The following LRRK2 variants were observed in gnomAD, a reference collection of about 807,000 sequenced individuals.
LRRK2 encodes leucine rich repeat kinase 2.
Under a neutral mutation model 302.6 loss-of-function variants are expected in LRRK2, and 203 were observed. The ratio of observed to expected loss-of-function variants is 0.67; its 90% CI spans 0.60 to 0.75. The LOEUF (loss-of-function observed/expected upper bound fraction) is 0.75, where lower values mean the gene tolerates loss of function less well. LRRK2 is among the 30% of genes least tolerant of loss of function. The pLI is 0.00. For missense variants in LRRK2, 2,830 were observed against 2,951.0 expected (o/e 0.96, Z 0.95); for synonymous variants, 1,066 against 1,031.9 (o/e 1.03, Z -0.63).
At chr12:40,255,340 G>T (rs951695838) in intron 11 of LRRK2, among the ~76,000 whole-genome samples, 2 of 152,136 alleles carry the variant, frequency 1.3e-5, no homozygotes, top group Non-Finnish European at 2.9e-5. Context: ...GACCTGCAGG[G>T]CGTCGCATAT....
intron 25 of LRRK2, 90 bp downstream of exon 25, chr12:40,299,347 A>T: frequency 7.1e-7 from 1 of 1,413,556 alleles, no homozygotes; most frequent in Non-Finnish European, 9.9e-7. Context: ...TGGATTTAAA[A>T]GTGGCATTTC....
At position 40,225,355 on chromosome 12, in the gene LRRK2, T is replaced by G; in HGVS notation, c.151+73T>G. ...CCCCTCCTTACATTTGCAAATTTTG[T>G]CCTCCTCCCCTTGACCCTGCTCAAA... On this transcript the variant is annotated intron_variant, in intron 1 of 50. Transcript: ENST00000298910. 6 of 1,557,450 alleles carry G rather than the reference T, an allele frequency of 3.9e-6. No homozygotes were observed. In the South Asian group the frequency reaches 6.9e-5, roughly 18 times the overall value.
intron 19 of LRRK2, 75 bp downstream of exon 19, chr12:40,284,208 G>T: frequency 5.2e-6 from 7 of 1,342,038 alleles, no homozygotes; most frequent in Non-Finnish European, 6.1e-6. Flanking sequence ...TCTTTTAGTG[G>T]TTATTCATGC....
chr12:40,280,594 C>T (rs549561952), intron 18 of LRRK2, among the ~76,000 whole-genome samples: 99 of 144,510 alleles, frequency 6.9e-4, no homozygotes, highest in Middle Eastern at 3.6e-3. Context: ...CATTGCACTC[C>T]AGCCTAGGCA....
At chr12:40,275,612 AT>A (rs754582238) in intron 16 of LRRK2, among the ~76,000 whole-genome samples, 509 of 141,814 alleles carry the variant, frequency 3.6e-3, no homozygotes, top group Middle Eastern at 7.5e-3. Flanking sequence ...CTACAAAGGA[AT>A]TTTTTTTTTT....
intron 43 of LRRK2, among the ~76,000 whole-genome samples, 193 bp downstream of exon 43, chr12:40,348,702 T>TC (rs1371360210): frequency 6.6e-6 from 1 of 152,096 alleles, no homozygotes; most frequent in Non-Finnish European, 1.5e-5. Flanking sequence ...CCTCACATGC[T>TC]CCCATATGCC....
At position 40,310,564 on chromosome 12, in the gene LRRK2, A is replaced by C. The variant is rs1421874706; in HGVS notation, c.4451A>C (p.Asp1484Ala). 1.2e-6 allele frequency: 2 copies of C among 1,612,482 alleles called. No homozygotes were observed. The highest frequency in any genetic ancestry group is 2.7e-5 in the African/African-American group (2 of 74,364). The change falls in exon 31 of 51, where the codon GAT (aspartate) becomes GCT (alanine). Residue 1484 changes from aspartate (D) to alanine (A), a missense_variant. Coordinates refer to ENST00000298910, the MANE Select transcript of LRRK2 (RefSeq NM_198578.4). ...LNKRGFPAIR[D>A]YHFVNATEES... ...AAGCGAGGGTTCCCTGCCATACGAG[A>C]TTACCACTTTGTGAATGCCACCGAG...
At chr12:40,246,705 C>G (rs1237393306) in intron 7 of LRRK2, among the ~76,000 whole-genome samples, 3 of 151,990 alleles carry the variant, frequency 2.0e-5, no homozygotes, top group Non-Finnish European at 4.4e-5. Context: ...CAGGACTGAC[C>G]TGGGAGCAGT....
At chr12:40,283,515 C>T (rs962224819) in intron 18 of LRRK2, among the ~76,000 whole-genome samples, 2 of 152,156 alleles carry the variant, frequency 1.3e-5, no homozygotes, top group African/African-American at 4.8e-5. Context: ...ACTGGTTTCC[C>T]AGGTATCTTA....
chr12:40,283,614 T>C (rs1422115736), intron 18 of LRRK2, among the ~76,000 whole-genome samples: 1 of 152,230 alleles, frequency 6.6e-6, no homozygotes, highest in African/African-American at 2.4e-5. Context: ...GCCAAGCCTG[T>C]GGAGCTTTGT....
intron 20 of LRRK2, among the ~76,000 whole-genome samples, chr12:40,289,722 A>G (rs1289546809): frequency 6.6e-6 from 1 of 151,592 alleles, no homozygotes; most frequent in Non-Finnish European, 1.5e-5. Context: ...TTTGAATTCT[A>G]ATTTCCAGTA....
intron 45 of LRRK2, among the ~76,000 whole-genome samples, chr12:40,355,437 TAATTGTCCCTTATTGA>T (rs1480599143): frequency 1.3e-5 from 2 of 152,032 alleles, no homozygotes; most frequent in African/African-American, 4.8e-5. Context: ...CTGTGTTTGC[TAATTGTCCCTTATTGA>T]AGGTAGGCTC....
At chr12:40,250,333 T>C (rs1444322650) in intron 8 of LRRK2, among the ~76,000 whole-genome samples, 1 of 151,972 alleles carries the variant, frequency 6.6e-6, no homozygotes, top group Non-Finnish European at 1.5e-5. Flanking sequence ...CTACTAAAAA[T>C]ATAAAAATTA....
chr12:40,300,296 G>T (rs1427860875), intron 25 of LRRK2, among the ~76,000 whole-genome samples: 1 of 152,068 alleles, frequency 6.6e-6, no homozygotes, highest in Non-Finnish European at 1.5e-5. Context: ...CTTAGCATAT[G>T]AAATAATAGA....
In LRRK2 at chr12:40,305,852, G is replaced by T; in HGVS notation, c.3845G>T (p.Arg1282Ile). Residue 1282 changes from arginine to isoleucine, a missense_variant, in exon 28 of 51, where the codon AGA becomes ATA. This residue lies in a region of LRRK2 where 2,121 missense variants were observed against 2,148.0 expected (regional missense o/e 0.99). Transcript: ENST00000298910. ...GATGTCAGTTACAACTTGGAACTAA[G>T]ATCCTTTCCCAATGAAATGGGGAAA... ...SLDVSYNLELRSFPNEMGKLS... is the reference protein window; with the variant it reads ...SLDVSYNLELISFPNEMGKLS... 1 of 1,613,538 alleles carries T rather than the reference G, an allele frequency of 6.2e-7. No individual in the cohort carries two copies. The highest frequency in any genetic ancestry group is 8.5e-7 in the Non-Finnish European group (1 of 1,179,666).
intron 49 of LRRK2, 135 bp from the exon 50 acceptor site, chr12:40,366,871 G>T: frequency 1.6e-6 from 1 of 637,518 alleles, no homozygotes; most frequent in Admixed American, 2.7e-5. Context: ...ATAATTGAAG[G>T]GTCACCTAGA....
chr12:40,321,539 C>A (rs1945402494), intron 35 of LRRK2, among the ~76,000 whole-genome samples: 1 of 151,942 alleles, frequency 6.6e-6, no homozygotes, highest in Non-Finnish European at 1.5e-5. Flanking sequence ...GTTTATAATG[C>A]TAACTCTTTC....
In LRRK2 at chr12:40,225,605, T is replaced by C. The variant is rs1368062208; in HGVS notation, c.202T>C (p.Leu68=). 6.2e-7 allele frequency: 1 copy of C among 1,614,168 alleles called. No homozygotes were observed. ...TATCCATGTGCCTCTGTTGATCGTCTTGGACTCCTATATGAGAGTCGCGAG... is the reference window on the plus strand; with the variant it reads ...TATCCATGTGCCTCTGTTGATCGTCCTGGACTCCTATATGAGAGTCGCGAG... ...KNIHVPLLIV[L]DSYMRVASVQ... The change falls in exon 2 of 51, where the codon TTG becomes CTG. Residue 68 remains leucine (L), a synonymous_variant. Transcript: ENST00000298910.
intron 45 of LRRK2, among the ~76,000 whole-genome samples, chr12:40,354,718 A>G (rs1946471199): frequency 6.6e-6 from 1 of 152,164 alleles, no homozygotes; most frequent in African/African-American, 2.4e-5. Context: ...ATTCAGGCCT[A>G]CCAGCCCTGC....
Sources: gnomAD v4.1 joint callset for allele counts (sites outside exome capture counted in the v4.1 genomes callset) on GRCh38, gnomAD v4.1.1 for gene constraint, gnomAD v4.1.1 regional missense constraint, MANE v1.5 for transcripts, NCBI Gene and HGNC (gene_info 2026-07-23, HGNC 2026-07-21) for gene names.